The following MSRB3 variants were observed in gnomAD, a reference collection of about 807,000 sequenced individuals.
MSRB3 encodes methionine sulfoxide reductase B3.
MSRB3 carries 13 observed loss-of-function variants against 21.0 expected under a neutral mutation model. The ratio of observed to expected loss-of-function variants is 0.62; its 90% confidence interval spans 0.40 to 0.98. MSRB3 has a LOEUF of 0.98. MSRB3 is among the 50% of genes least tolerant of loss of function. The probability of loss-of-function intolerance (pLI) is 0.00; values close to 1 mark genes in which losing one functional copy is unlikely to be tolerated. For missense variants in MSRB3, 199 were observed against 230.3 expected (o/e 0.86, Z 0.88); for synonymous variants, 87 against 88.6 (o/e 0.98, Z 0.10).
chr12:65,431,650 C>T (rs1279848309), intron 5 of MSRB3, among the ~76,000 whole-genome samples: 1 of 151,840 alleles, frequency 6.6e-6, no homozygotes, highest in African/African-American at 2.4e-5. Context: ...AGTGGAAAGC[C>T]AGAACCATTG....
Position 65,308,868 on chromosome 12 carries a change from T to C in MSRB3, c.76+213T>C, listed in dbSNP as rs528117190. On this transcript the variant is annotated intron_variant, in intron 2 of 6. Coordinates refer to ENST00000308259, the MANE Select transcript of MSRB3 (RefSeq NM_001031679.3). The stretch of plus-strand genomic sequence containing the variant: ...ACCCTTGGAACATTGTCCAGTTTCC[T>C]TGCCCAGTGTATAATTGTCACTAAT... 22 of 641,268 alleles carry C rather than the reference T, an allele frequency of 3.4e-5. No homozygotes were observed. In the South Asian group the frequency reaches 3.9e-4, roughly 11 times the overall value. The allele number at this position is 641,268 out of a possible 1,614,324, so 39.7% of individuals were successfully genotyped here.
chr12:65,336,898 A>T (rs1487780826), intron 4 of MSRB3, among the ~76,000 whole-genome samples: 1 of 152,220 alleles, frequency 6.6e-6, no homozygotes, highest in Non-Finnish European at 1.5e-5. Flanking sequence ...ACATTGTCAA[A>T]CAAAGATACA....
chr12:65,460,106 A>G (rs556207914), intron 6 of MSRB3, among the ~76,000 whole-genome samples: 4 of 152,368 alleles, frequency 2.6e-5, no homozygotes, highest in Non-Finnish European at 5.9e-5. Context: ...TAAAGATTCT[A>G]TCCTGAAATA....
At chr12:65,352,957 A>G (rs548190970) in intron 4 of MSRB3, among the ~76,000 whole-genome samples, 5 of 152,192 alleles carry the variant, frequency 3.3e-5, no homozygotes, top group African/African-American at 7.2e-5. Context: ...AGAATTGGAA[A>G]AAACTACTTT....
At chr12:65,357,120 T>G (rs1877429986) in intron 4 of MSRB3, among the ~76,000 whole-genome samples, 1 of 151,876 alleles carries the variant, frequency 6.6e-6, no homozygotes, top group African/African-American at 2.4e-5. Context: ...CTTCCCCATA[T>G]ACTAAATGAA....
chr12:65,390,208 C>G (rs1879402274), intron 5 of MSRB3, among the ~76,000 whole-genome samples: 1 of 152,146 alleles, frequency 6.6e-6, no homozygotes. Context: ...CTTACTTCTT[C>G]CCTACAGCCT....
intron 2 of MSRB3, among the ~76,000 whole-genome samples, chr12:65,315,616 C>T (rs1181418849): frequency 1.4e-5 from 2 of 144,708 alleles, no homozygotes; most frequent in African/African-American, 5.2e-5. Context: ...TGCAGTGAGC[C>T]GGGATCGTAT....
chr12:65,448,677 C>T (rs989580246), intron 5 of MSRB3, among the ~76,000 whole-genome samples: 2 of 152,040 alleles, frequency 1.3e-5, no homozygotes, highest in Non-Finnish European at 2.9e-5. Context: ...GACTGAGAAA[C>T]TGTAATTTTA....
At chr12:65,344,132 C>T (rs1295701399) in intron 4 of MSRB3, 1 of 152,032 alleles carries the variant, frequency 6.6e-6, no homozygotes, top group East Asian at 1.9e-4. Context: ...AGCATTGATA[C>T]TGAACAGTGT....
Position 65,393,522 on chromosome 12 carries a change from A to G in MSRB3, c.292+24496A>G, listed in dbSNP as rs139204790. 3.0e-3 allele frequency among the ~76,000 whole-genome samples: 462 copies of G among 151,780 alleles called. 3 individuals carry two copies. Among genetic ancestry groups the G allele is most frequent in the Middle Eastern group, 6.8e-3 (2 of 294 alleles). On this transcript the variant is annotated intron_variant, in intron 5 of 6. Coordinates refer to ENST00000308259, the MANE Select transcript of MSRB3 (RefSeq NM_001031679.3). Reference sequence around the variant, plus strand: ...GTGGTGGGCGCCTGTAATCCCAGCTACGGGAGGCTGAGGCACGAGAATGGC... The same window carrying G: ...GTGGTGGGCGCCTGTAATCCCAGCTGCGGGAGGCTGAGGCACGAGAATGGC...
At chr12:65,331,224 A>ACTGTGTATT (rs1386430773) in intron 4 of MSRB3, among the ~76,000 whole-genome samples, 3 of 152,242 alleles carry the variant, frequency 2.0e-5, no homozygotes, top group Non-Finnish European at 4.4e-5. Flanking sequence ...CAGTCAGGAC[A>ACTGTGTATT]CAGAATACAC....
rs368697775 is a variant in MSRB3, at chr12:65,287,008, G to A, written c.-52+8143G>A. On this transcript the variant is annotated intron_variant, in intron 1 of 6. Coordinates refer to ENST00000308259, the MANE Select transcript of MSRB3 (RefSeq NM_001031679.3). ...TGTACTCCATTCTGGGTGACAGAGC[G>A]AGACCCTTTCTCAAAAAAAAAAAAA... Among the ~76,000 whole-genome samples the A allele has an allele frequency of 9.8e-4, 103 of 105,146 alleles. 1 individual carries two copies. The highest frequency in any genetic ancestry group is 2.7e-3 in the African/African-American group (72 of 26,186). The allele number at this position is 105,146 out of a possible 152,430, so 69.0% of individuals were successfully genotyped here.
intron 4 of MSRB3, 132 bp downstream of exon 4, chr12:65,328,735 A>G (rs1040756180): frequency 4.2e-6 from 3 of 709,244 alleles, no homozygotes. Context: ...TTTACCCCCA[A>G]CAAAACAAAA....
At chr12:65,345,585 T>A (rs116398604) in intron 4 of MSRB3, among the ~76,000 whole-genome samples, 1,788 of 152,210 alleles carry the variant, frequency 0.012, 42 homozygotes, top group African/African-American at 0.041. Context: ...AGATCTTTTT[T>A]TTATTATTAT....
chr12:65,460,587 C>T (rs1319355762), intron 6 of MSRB3, among the ~76,000 whole-genome samples: 1 of 152,182 alleles, frequency 6.6e-6, no homozygotes, highest in Non-Finnish European at 1.5e-5. Context: ...TCTTCCAGAA[C>T]ACCCTGTGGC....
intron 6 of MSRB3, among the ~76,000 whole-genome samples, chr12:65,459,934 G>C (rs1397015398): frequency 6.6e-6 from 1 of 152,158 alleles, no homozygotes; most frequent in African/African-American, 2.4e-5. Context: ...CAGCTTTTCT[G>C]AGTGGGAGGC....
chr12:65,294,621 CTT>C (rs1317846655), intron 1 of MSRB3, among the ~76,000 whole-genome samples: 1 of 152,092 alleles, frequency 6.6e-6, no homozygotes, highest in African/African-American at 2.4e-5. Flanking sequence ...TTGTTTTCCT[CTT>C]TGCTTTAAAA....
At chr12:65,360,659 A>G (rs1265982706) in intron 4 of MSRB3, among the ~76,000 whole-genome samples, 1 of 152,020 alleles carries the variant, frequency 6.6e-6, no homozygotes, top group Non-Finnish European at 1.5e-5. Context: ...TAGGTAATTT[A>G]CCTTTTTAAT....
rs1883527406 is a variant in MSRB3 at position 65,465,519 on chromosome 12, G to T, written c.*2197G>T. On this transcript the variant is annotated 3_prime_UTR_variant, in exon 7 of 7. Coordinates refer to ENST00000308259, the MANE Select transcript of MSRB3 (RefSeq NM_001031679.3). Reference sequence around the variant, plus strand: ...ATCTGTGACAAACAGCGTCAGTGTGGCCATGTCCACATTCCTACATGTCTC... The same window carrying T: ...ATCTGTGACAAACAGCGTCAGTGTGTCCATGTCCACATTCCTACATGTCTC... 6.6e-6 allele frequency: 1 copy of T among 152,122 alleles called. No homozygotes were observed. The highest frequency in any genetic ancestry group is 2.4e-5 in the African/African-American group (1 of 41,442). 9.4% of individuals were successfully genotyped at this position (152,122 alleles called of 1,614,324 possible).
Sources: gnomAD v4.1 joint callset for allele counts (sites outside exome capture counted in the v4.1 genomes callset) on GRCh38, gnomAD v4.1.1 for gene constraint, MANE v1.5 for transcripts, NCBI Gene and HGNC (gene_info 2026-07-23, HGNC 2026-07-21) for gene names.